The following CFAP54 variants were observed in gnomAD, a reference collection of about 807,000 sequenced individuals.
The protein encoded by CFAP54 is cilia and flagella associated protein 54, also known as cilia- and flagella-associated protein 54.
Under a neutral mutation model 370.4 loss-of-function variants are expected in CFAP54, and 290 were observed. The observed-to-expected ratio is 0.78, with a 90% CI of 0.71 to 0.86. The LOEUF (loss-of-function observed/expected upper bound fraction) is 0.86, where lower values mean the gene tolerates loss of function less well. Among genes scored for constraint, CFAP54 ranks in the 40% least tolerant of loss-of-function variants. The pLI, the probability that CFAP54 is intolerant of heterozygous loss-of-function variation, is 0.00. For missense variants in CFAP54, 3,399 were observed against 3,528.7 expected, an observed-to-expected ratio of 0.96 and a Z score of 0.93; for synonymous variants, 1,206 against 1,236.5, an observed-to-expected ratio of 0.98 and a Z score of 0.52.
At chr12:96,665,109 ATG>A (rs1335433643) in intron 39 of CFAP54, among the ~76,000 whole-genome samples, 5 of 36,214 alleles carry the variant, frequency 1.4e-4, no homozygotes, top group African/African-American at 4.2e-4. Flanking sequence ...GGCCACATGT[ATG>A]TTTTTTTTTT....
At chr12:96,501,015 C>T (rs1955019816) in intron 2 of CFAP54, 76 bp downstream of exon 2, 2 of 752,830 alleles carry the variant, frequency 2.7e-6, no homozygotes, top group South Asian at 2.3e-5. Context: ...GTCTGATACC[C>T]TTCCTATTTT....
intron 26 of CFAP54, among the ~76,000 whole-genome samples, chr12:96,599,168 C>T (rs1956213150): frequency 6.7e-6 from 1 of 150,220 alleles, no homozygotes; most frequent in African/African-American, 2.5e-5. Context: ...AGCCCCCCAC[C>T]CCCCAATAAG....
intron 66 of CFAP54, among the ~76,000 whole-genome samples, chr12:96,842,637 A>T (rs1216456146): frequency 6.6e-6 from 1 of 152,184 alleles, no homozygotes. Flanking sequence ...TTATTTTGGC[A>T]ACAGAATTAT....
intron 1 of CFAP54, among the ~76,000 whole-genome samples, chr12:96,499,490 AATG>A (rs1180280653): frequency 6.6e-6 from 1 of 152,228 alleles, no homozygotes; most frequent in Admixed American, 6.5e-5. Context: ...GATGTGGAGC[AATG>A]AAGTCTCTCA....
chr12:96,629,507 G>C (rs1956583088), intron 30 of CFAP54, among the ~76,000 whole-genome samples: 1 of 151,126 alleles, frequency 6.6e-6, no homozygotes, highest in Non-Finnish European at 1.5e-5. Flanking sequence ...TAGAGACAGG[G>C]TTTCACCCTG....
At chr12:96,650,574 TC>T (rs1395050029) in intron 35 of CFAP54, among the ~76,000 whole-genome samples, 1 of 152,172 alleles carries the variant, frequency 6.6e-6, no homozygotes, top group African/African-American at 2.4e-5. Flanking sequence ...TCTTTCTTTT[TC>T]TTCTTAAATA....
At chr12:96,860,281 C>G (rs956075085) in intron 66 of CFAP54, among the ~76,000 whole-genome samples, 6 of 151,914 alleles carry the variant, frequency 3.9e-5, no homozygotes, top group Admixed American at 2.0e-4. Flanking sequence ...TTTTTGTTCT[C>G]TCTTCCCTGT....
In CFAP54 at chr12:96,691,272, AT is replaced by A. The variant is rs1434872386; in HGVS notation, c.6228del (p.Ile2077TyrfsTer11). On this transcript the variant is annotated frameshift_variant, in exon 44 of 68. Transcript: ENST00000524981. LOFTEE classifies it high-confidence loss of function. ...ICSVIASLYYIIRELHFVRQN... is the reference protein window; with the variant it reads ...ICSVIASLYYXIRELHFVRQN... ...CTCTGTAATTGCAAGTCTGTATTAC[AT>A]TATACGTGAACTGCACTTTGTTAGG... is the stretch of plus-strand genomic sequence containing the variant. The A allele has an allele frequency of 2.5e-6, 4 of 1,607,116 alleles. No individual in the cohort carries two copies. The South Asian group carries it at 4.5e-5, about 18-fold the overall frequency.
chr12:96,545,731 G>A (rs1955633901), intron 14 of CFAP54, among the ~76,000 whole-genome samples: 1 of 152,150 alleles, frequency 6.6e-6, no homozygotes, highest in South Asian at 2.1e-4. Context: ...AAGGTTATTA[G>A]ATCATACCCT....
intron 67 of CFAP54, among the ~76,000 whole-genome samples, chr12:96,874,907 G>A (rs1434507465): frequency 1.3e-5 from 2 of 151,926 alleles, no homozygotes; most frequent in Non-Finnish European, 2.9e-5. Context: ...GTGAGCCACC[G>A]CGCCCGGCCG....
intron 1 of CFAP54, among the ~76,000 whole-genome samples, chr12:96,490,851 G>A (rs901808434): frequency 2.6e-5 from 4 of 152,114 alleles, no homozygotes; most frequent in African/African-American, 9.7e-5. Flanking sequence ...TAGAGCATAT[G>A]TTTTTGTGGG....
intron 63 of CFAP54, among the ~76,000 whole-genome samples, chr12:96,803,082 G>A (rs887958230): frequency 3.9e-5 from 6 of 152,130 alleles, no homozygotes; most frequent in African/African-American, 1.4e-4. Context: ...TATCATTGAT[G>A]GGCATTTGGG....
intron 50 of CFAP54, among the ~76,000 whole-genome samples, chr12:96,733,995 G>T (rs1182932552): frequency 6.6e-6 from 1 of 152,166 alleles, no homozygotes; most frequent in Non-Finnish European, 1.5e-5. Flanking sequence ...AGCTTTGAGG[G>T]AGGAAGAGTG....
chr12:96,550,826 A>G lies in CFAP54; in HGVS notation c.2154+2848A>G, dbSNP rs1342080201. ...GATGCTGCAGTAGGTTGATGGGCAT[A>G]GTTTTTATACAAATATACTTAGATT... is the stretch of plus-strand genomic sequence containing the variant. On this transcript the variant is annotated intron_variant, in intron 15 of 67. Transcript: ENST00000524981. Among the ~76,000 whole-genome samples, 4 of 152,220 alleles carry G rather than the reference A, an allele frequency of 2.6e-5. No homozygotes were observed. The East Asian group carries it at 7.7e-4, about 29-fold the overall frequency.
chr12:96,630,250 A>T (rs777381563), intron 31 of CFAP54, 46 bp downstream of exon 31: 2 of 1,005,518 alleles, frequency 2.0e-6, no homozygotes, highest in African/African-American at 3.2e-5. Context: ...AAATTAAGAG[A>T]TTCATGTATC....
Position 96,518,924 on chromosome 12 carries a change from G to A in CFAP54, c.799-4G>A. ...CAAATCCAATGGTGCCCTTTATTTT[G>A]CAGGCCTTAGAGTATCTCCTGTGGG... On this transcript the variant is annotated splice_region_variant and splice_polypyrimidine_tract_variant and intron_variant, in intron 5 of 67. Coordinates refer to ENST00000524981, the MANE Select transcript of CFAP54 (RefSeq NM_001306084.2). The A allele has an allele frequency of 6.6e-7, 1 of 1,520,198 alleles. No homozygotes were observed. The highest frequency in any genetic ancestry group is 8.8e-7 in the Non-Finnish European group (1 of 1,137,944). The allele number at this position is 1,520,198 out of a possible 1,614,324, so 94.2% of individuals were successfully genotyped here. A position where few individuals can be genotyped will look rare whatever the true frequency, so the allele number is the denominator to read the frequency against.
At chr12:96,598,564 A>G (rs1440793294) in intron 25 of CFAP54, 81 bp from the exon 26 acceptor site, 3 of 455,334 alleles carry the variant, frequency 6.6e-6, no homozygotes, top group African/African-American at 2.0e-5. Flanking sequence ...TAAAGCTTGC[A>G]TTATTTGAAT....
rs185829940 is a variant in CFAP54 at position 96,668,692 on chromosome 12, G to A, written c.5563+4760G>A. On this transcript the variant is annotated intron_variant, in intron 39 of 67. Transcript: ENST00000524981. ...CTTTTGGAATGTTTTTGGCCATGCA[G>A]CTTGTAGGAATGATGCAATAGAATG... is the stretch of plus-strand genomic sequence containing the variant. Among the ~76,000 whole-genome samples, 501 of 152,288 alleles carry A rather than the reference G, an allele frequency of 3.3e-3. 4 individuals are homozygous for A. The highest frequency in any genetic ancestry group is 0.011 in the African/African-American group (475 of 41,566).
At chr12:96,817,377 C>T (rs759830812) in intron 64 of CFAP54, among the ~76,000 whole-genome samples, 5 of 151,800 alleles carry the variant, frequency 3.3e-5, no homozygotes, top group Admixed American at 6.6e-5. Context: ...CGTTAAATAA[C>T]TGAGGGCTTA....
Sources: allele counts gnomAD v4.1 joint callset (sites outside exome capture counted in the v4.1 genomes callset), GRCh38; gene constraint gnomAD v4.1.1; transcripts MANE v1.5; gene names NCBI Gene and HGNC (gene_info 2026-07-23, HGNC 2026-07-21).